Variants in TCF25 observed in about 807,000 individuals in gnomAD.
TCF25 encodes TCF25 ribosome quality control complex subunit.
Under a neutral mutation model 83.1 loss-of-function variants are expected in TCF25, and 41 were observed. The observed-to-expected ratio is 0.49, with a 90% CI of 0.38 to 0.64. The LOEUF (loss-of-function observed/expected upper bound fraction) is 0.64. Among genes scored for constraint, TCF25 ranks in the 30% least tolerant of loss-of-function variants. The pLI, the probability that TCF25 is intolerant of heterozygous loss-of-function variation, is 0.00. For missense variants in TCF25, 979 were observed against 914.5 expected (o/e 1.07, Z -0.91); for synonymous variants, 458 against 365.0 (o/e 1.25, Z -2.90).
chr16:89,906,993 T>G (rs2044845774), intron 15 of TCF25, among the ~76,000 whole-genome samples: 1 of 151,988 alleles, frequency 6.6e-6, no homozygotes, highest in African/African-American at 2.4e-5. Flanking sequence ...CACCACACAC[T>G]CTGGTGTGCA....
chr16:89,905,330 C>T (rs1221307031), intron 14 of TCF25, among the ~76,000 whole-genome samples: 1 of 152,162 alleles, frequency 6.6e-6, no homozygotes, highest in Non-Finnish European at 1.5e-5. Flanking sequence ...TTCCCGGGTG[C>T]CTCGGGCTGG....
At chr16:89,887,800 G>C in intron 5 of TCF25, 83 bp downstream of exon 5, 1 of 1,340,768 alleles carries the variant, frequency 7.5e-7, no homozygotes, top group African/African-American at 1.5e-5. Flanking sequence ...CCTGAAGCTA[G>C]TTTACCCTTG....
At chr16:89,905,135 C>G in intron 14 of TCF25, 39 bp downstream of exon 14, 1 of 1,513,274 alleles carries the variant, frequency 6.6e-7, no homozygotes, top group Non-Finnish European at 8.8e-7. Context: ...CACGCCCCCT[C>G]CTCAGGGACC....
rs181355318 is a variant in TCF25, at chr16:89,880,516, G to A, written c.193-2835G>A. On this transcript the variant is annotated intron_variant, in intron 1 of 17. Coordinates refer to ENST00000263346, the MANE Select transcript of TCF25 (RefSeq NM_014972.3). ...GGAGAATCACTTGAATCCGGGAGGCGGAGGTTGCAGTGAGCCAAGATCATG... is the reference window on the plus strand; with the variant it reads ...GGAGAATCACTTGAATCCGGGAGGCAGAGGTTGCAGTGAGCCAAGATCATG... 2.1e-4 allele frequency among the ~76,000 whole-genome samples: 32 copies of A among 152,132 alleles called. No homozygotes were observed. The East Asian group carries it at 4.8e-3, about 23-fold the overall frequency.
intron 11 of TCF25, 91 bp downstream of exon 11, chr16:89,898,963 G>A (rs1181091593): frequency 5.6e-6 from 7 of 1,252,848 alleles, no homozygotes; most frequent in Non-Finnish European, 8.0e-6. Flanking sequence ...CTCAGGGGAC[G>A]TTTGGGGATG....
At chr16:89,897,138 G>A (rs2043925575) in intron 9 of TCF25, among the ~76,000 whole-genome samples, 1 of 152,334 alleles carries the variant, frequency 6.6e-6, no homozygotes, top group Admixed American at 6.5e-5. Context: ...CCCATCCCTG[G>A]CAAGTTTAGA....
chr16:89,905,941 C>T (rs1448759896), intron 14 of TCF25, among the ~76,000 whole-genome samples: 2 of 152,196 alleles, frequency 1.3e-5, no homozygotes, highest in African/African-American at 2.4e-5. Context: ...CGGCTCTCAT[C>T]GTTCTTGTTC....
At chr16:89,904,805 A>C in intron 13 of TCF25, 133 bp from the exon 14 acceptor site, 1 of 1,107,004 alleles carries the variant, frequency 9.0e-7, no homozygotes, top group Non-Finnish European at 1.3e-6. Context: ...CCAGCAGCCC[A>C]GGGGCCTCCT....
chr16:89,904,819 A>C (rs1597374605), intron 13 of TCF25, 119 bp from the exon 14 acceptor site: 1 of 1,284,424 alleles, frequency 7.8e-7, no homozygotes. Flanking sequence ...GCCTCCTTTC[A>C]CTCCAGGCCA....
chr16:89,892,066 C>T (rs76683657), intron 5 of TCF25, 127 bp from the exon 6 acceptor site: 2 of 839,586 alleles, frequency 2.4e-6, no homozygotes, highest in East Asian at 6.1e-5. Flanking sequence ...TGCGTCCCCA[C>T]CCTGCCCCAC....
At chr16:89,906,479 G>T (rs573097659) in intron 15 of TCF25, among the ~76,000 whole-genome samples, 195 bp downstream of exon 15, 14 of 152,158 alleles carry the variant, frequency 9.2e-5, no homozygotes. Context: ...TTGTTGTTTT[G>T]AGAGAGAAAT....
At chr16:89,908,914 C>G (rs1036359309) in intron 16 of TCF25, 2 of 1,286,186 alleles carry the variant, frequency 1.6e-6, no homozygotes, top group African/African-American at 3.0e-5. Flanking sequence ...CTCTTTCAGA[C>G]CCAGATGCTG....
At chr16:89,899,022 C>G in intron 11 of TCF25, 150 bp downstream of exon 11, 1 of 768,330 alleles carries the variant, frequency 1.3e-6, no homozygotes, top group Non-Finnish European at 2.2e-6. Flanking sequence ...CCTTGTTTGT[C>G]TCCCTTGCCG....
intron 6 of TCF25, among the ~76,000 whole-genome samples, chr16:89,892,871 T>C (rs1163581042): frequency 6.6e-6 from 1 of 152,178 alleles, no homozygotes; most frequent in Non-Finnish European, 1.5e-5. Flanking sequence ...GGGAGCTGTG[T>C]GGTGCCCTTG....
At chr16:89,910,786 C>A in intron 17 of TCF25, 123 bp downstream of exon 17, 1 of 1,191,612 alleles carries the variant, frequency 8.4e-7, no homozygotes, top group Non-Finnish European at 1.2e-6. Context: ...CAGGGAAGGA[C>A]CAAGGCTGCA....
At chr16:89,910,346 G>A (rs2045455247) in intron 16 of TCF25, 1 of 556,116 alleles carries the variant, frequency 1.8e-6, no homozygotes, top group Admixed American at 3.2e-5. Flanking sequence ...CGCCACGCCT[G>A]CCTCAGCTGA....
intron 16 of TCF25, 41 bp downstream of exon 16, chr16:89,907,363 TCCC>T: frequency 7.3e-7 from 1 of 1,363,858 alleles, no homozygotes; most frequent in Non-Finnish European, 1.0e-6. Context: ...AGCTCCCACC[TCCC>T]TCCTCCCAGT....
At chr16:89,885,526 G>T (rs545875704) in intron 3 of TCF25, among the ~76,000 whole-genome samples, 4 of 152,336 alleles carry the variant, frequency 2.6e-5, no homozygotes, top group African/African-American at 9.6e-5. Flanking sequence ...TGAGACAAGG[G>T]TGTAGCTTTG....
intron 15 of TCF25, among the ~76,000 whole-genome samples, chr16:89,906,923 C>A (rs1011982916): frequency 6.6e-6 from 1 of 152,096 alleles, no homozygotes; most frequent in Non-Finnish European, 1.5e-5. Flanking sequence ...GAAGTGGGAG[C>A]TTCTGACACG....
Sources: gnomAD v4.1 joint callset for allele counts (sites outside exome capture counted in the v4.1 genomes callset) on GRCh38, gnomAD v4.1.1 for gene constraint, MANE v1.5 for transcripts, NCBI Gene and HGNC (gene_info 2026-07-23, HGNC 2026-07-21) for gene names.